ANKEF1: variants seen among roughly 807,000 people sequenced by gnomAD.
The protein encoded by ANKEF1 is ankyrin repeat and EF-hand domain containing 1.
Under a neutral mutation model 65.1 loss-of-function variants are expected in ANKEF1, and 43 were observed. The observed-to-expected ratio is 0.66, with a 90% CI of 0.52 to 0.85. The LOEUF (loss-of-function observed/expected upper bound fraction) is 0.85, where lower values mean the gene tolerates loss of function less well. Among genes scored for constraint, ANKEF1 ranks in the 40% least tolerant of loss-of-function variants. ANKEF1 has a pLI of 0.00. For missense variants in ANKEF1, 934 were observed against 952.9 expected, an observed-to-expected ratio of 0.98 and a Z score of 0.26; for synonymous variants, 316 against 341.5, an observed-to-expected ratio of 0.93 and a Z score of 0.82.
At chr20:10,038,751 A>G (rs1287886758) in intron 3 of ANKEF1, 104 bp downstream of exon 3, 11 of 923,526 alleles carry the variant, frequency 1.2e-5, no homozygotes, top group African/African-American at 1.7e-5. Context: ...TGAATTACTT[A>G]TGGTTTTAAG....
intron 6 of ANKEF1, among the ~76,000 whole-genome samples, chr20:10,048,254 TAG>T (rs1002018706): frequency 2.6e-4 from 38 of 147,196 alleles, no homozygotes; most frequent in African/African-American, 9.3e-4. Flanking sequence ...TGTAGTAAAA[TAG>T]ATTTATTTTT....
intron 4 of ANKEF1, 79 bp downstream of exon 4, chr20:10,043,400 C>T (rs1984315046): frequency 5.9e-6 from 8 of 1,357,804 alleles, no homozygotes; most frequent in Non-Finnish European, 8.3e-6. Context: ...AATATGATGA[C>T]ATTATCCTGT....
rs769188505 is a variant in ANKEF1 at position 10,055,816 on chromosome 20, G to A, written c.*156G>A. ...TTAACAACTATAAATATTCTTAGCT[G>A]TCTAGAGAAAAGATGTATGTTATTT... On this transcript the variant is annotated 3_prime_UTR_variant, in exon 11 of 11. Transcript: ENST00000378392. The A allele has an allele frequency of 1.5e-6, 1 of 683,276 alleles. No individual in the cohort carries two copies. The highest frequency in any genetic ancestry group is 2.4e-6 in the Non-Finnish European group (1 of 412,148). The allele number at this position is 683,276 out of a possible 1,614,324, so 42.3% of individuals were successfully genotyped here. A position where few individuals can be genotyped will look rare whatever the true frequency, so the allele number is the denominator to read the frequency against.
chr20:10,050,684 T>A (rs1984809951), intron 7 of ANKEF1, among the ~76,000 whole-genome samples: 1 of 152,212 alleles, frequency 6.6e-6, no homozygotes, highest in Non-Finnish European at 1.5e-5. Context: ...AGTAAGTGTT[T>A]ACTCAGGGTG....
Position 10,045,577 on chromosome 20 carries a change from T to C in ANKEF1, c.700T>C (p.Leu234=). ...FAAKGGFFDI[L]KLLFAYNGDV... ...ATATCCACTATTTATTTTACAGATA[T>C]TGAAGCTTCTTTTTGCCTACAATGG... is the stretch of plus-strand genomic sequence containing the variant. Residue 234 remains leucine, a synonymous_variant, in exon 6 of 11, where the codon TTG becomes CTG. Coordinates refer to ENST00000378392, the MANE Select transcript of ANKEF1 (RefSeq NM_022096.6). 1.2e-6 allele frequency: 2 copies of C among 1,613,342 alleles called. No homozygotes were observed. Among genetic ancestry groups the C allele is most frequent in the Middle Eastern group, 1.7e-4 (1 of 6,060 alleles).
chr20:10,054,670 G>T, intron 10 of ANKEF1, 71 bp downstream of exon 10: 1 of 1,457,168 alleles, frequency 6.9e-7, no homozygotes, highest in Non-Finnish European at 9.3e-7. Context: ...AGCTTTTTAT[G>T]TAGAATATCC....
chr20:10,049,855 T>A lies in ANKEF1; in HGVS notation c.1286T>A (p.Phe429Tyr), dbSNP rs1326842351. ...GGCAAAAAAGGAAAGAAAGGGAAAT[T>A]TGTCTTACCCCTTCCAATCTGTGTC... is the stretch of plus-strand genomic sequence containing the variant. ...GMGKKGKKGK[F>Y]VLPLPICVIP... is the part of the protein sequence containing the mutation. The change falls in exon 7 of 11, where the codon TTT becomes TAT. Residue 429 changes from phenylalanine (F) to tyrosine (Y), a missense_variant. Coordinates refer to ENST00000378392, the MANE Select transcript of ANKEF1 (RefSeq NM_022096.6). 2.5e-6 allele frequency: 4 copies of A among 1,614,008 alleles called. No individual in the cohort carries two copies. Among genetic ancestry groups the A allele is most frequent in the Non-Finnish European group, 3.4e-6 (4 of 1,180,014 alleles).
rs761476237 is a variant in ANKEF1 at position 10,038,637 on chromosome 20, T to A, written c.336T>A (p.Asn112Lys). ...KAKADMTIVD[N>K]EGKGVLFYCI... ...AGGCTGATATGACTATAGTTGATAA[T>A]GAAGGAAAAGGTAAAAATCCCGACA... Residue 112 changes from asparagine to lysine, a missense_variant, in exon 3 of 11, where the codon AAT becomes AAA. Coordinates refer to ENST00000378392, the MANE Select transcript of ANKEF1 (RefSeq NM_022096.6). 1 of 1,588,580 alleles carries A rather than the reference T, an allele frequency of 6.3e-7. No homozygotes were observed. The highest frequency in any genetic ancestry group is 8.6e-7 in the Non-Finnish European group (1 of 1,161,962).
intron 2 of ANKEF1, among the ~76,000 whole-genome samples, chr20:10,037,227 G>A (rs1983911870): frequency 6.6e-6 from 1 of 152,128 alleles, no homozygotes; most frequent in Non-Finnish European, 1.5e-5. Flanking sequence ...CCCACAAAGT[G>A]GTAGATGGCT....
At chr20:10,038,193 G>A in intron 2 of ANKEF1, 65 bp from the exon 3 acceptor site, 1 of 648,126 alleles carries the variant, frequency 1.5e-6, no homozygotes, top group Non-Finnish European at 2.4e-6. Context: ...CCAAAATATT[G>A]TTATTTAATC....
Position 10,039,025 on chromosome 20 carries a change from A to T in ANKEF1, c.346+378A>T, listed in dbSNP as rs560202459. 2.6e-5 allele frequency among the ~76,000 whole-genome samples: 4 copies of T among 152,344 alleles called. No individual in the cohort carries two copies. In the East Asian group the frequency reaches 5.8e-4, roughly 22 times the overall value. The stretch of plus-strand genomic sequence containing the variant: ...TTTACATTTTAGAATTTCAGGCAGT[A>T]CTACACCTAGGACTCCAAAAGGATT... On this transcript the variant is annotated intron_variant, in intron 3 of 10. Transcript: ENST00000378392.
intron 3 of ANKEF1, among the ~76,000 whole-genome samples, chr20:10,041,298 T>A (rs73254368): frequency 0.058 from 8,817 of 151,586 alleles, 602 homozygotes; most frequent in African/African-American, 0.17. Flanking sequence ...TTAGTTTTTT[T>A]ATTTTTTTTT....
chr20:10,042,664 A>G (rs1310320525), intron 3 of ANKEF1, among the ~76,000 whole-genome samples: 1 of 152,248 alleles, frequency 6.6e-6, no homozygotes, highest in Non-Finnish European at 1.5e-5. Flanking sequence ...CTTTACTGCT[A>G]TACCGACAGC....
chr20:10,042,672 AG>A (rs903577695), intron 3 of ANKEF1, among the ~76,000 whole-genome samples: 30 of 152,318 alleles, frequency 2.0e-4, no homozygotes, highest in African/African-American at 7.2e-4. Flanking sequence ...CTATACCGAC[AG>A]CCTGCTTCTT....
At chr20:10,046,418 C>A (rs1221940047) in intron 6 of ANKEF1, among the ~76,000 whole-genome samples, 1 of 151,958 alleles carries the variant, frequency 6.6e-6, no homozygotes, top group Non-Finnish European at 1.5e-5. Context: ...GGATAATTTG[C>A]AGTTATGGGG....
In ANKEF1 at chr20:10,043,237, T is replaced by C. The variant is rs1350843588; in HGVS notation, c.462T>C (p.Leu154=). 6.2e-7 allele frequency: 1 copy of C among 1,614,068 alleles called. No individual in the cohort carries two copies. Among genetic ancestry groups the C allele is most frequent in the East Asian group, 2.2e-5 (1 of 44,890 alleles). The stretch of plus-strand genomic sequence containing the variant: ...CCTATGAAGGAAAGCCAATATTCCT[T>C]AGAGCTTGTGAAGATGCACATGATG... ...NSTYEGKPIF[L]RACEDAHDVK... Residue 154 remains leucine (L), a synonymous_variant, in exon 4 of 11, where the codon CTT becomes CTC. Coordinates refer to ENST00000378392, the MANE Select transcript of ANKEF1 (RefSeq NM_022096.6).
intron 2 of ANKEF1, among the ~76,000 whole-genome samples, chr20:10,036,033 C>T (rs776499557): frequency 3.9e-5 from 6 of 152,138 alleles, no homozygotes; most frequent in Non-Finnish European, 7.3e-5. Flanking sequence ...TACAAGGAAC[C>T]CAGGACCCAA....
chr20:10,036,011 T>G (rs1018512035), intron 2 of ANKEF1, among the ~76,000 whole-genome samples: 2 of 152,250 alleles, frequency 1.3e-5, no homozygotes, highest in Non-Finnish European at 2.9e-5. Context: ...GGATCCTATA[T>G]GCTGCTCAAT....
At chr20:10,053,559 T>A (rs569984928) in intron 9 of ANKEF1, among the ~76,000 whole-genome samples, 1 of 152,218 alleles carries the variant, frequency 6.6e-6, no homozygotes, top group South Asian at 2.1e-4. Flanking sequence ...AAAACTGGTG[T>A]TGGATTTGTA....
Sources: allele counts gnomAD v4.1 joint callset (sites outside exome capture counted in the v4.1 genomes callset), GRCh38; gene constraint gnomAD v4.1.1; transcripts MANE v1.5; gene names NCBI Gene and HGNC (gene_info 2026-07-23, HGNC 2026-07-21).